Variants in TRABD2B observed in about 807,000 individuals in gnomAD.
The protein encoded by TRABD2B is TraB domain containing 2B, also known as metalloprotease TIKI2.
TRABD2B carries 14 observed loss-of-function variants against 40.1 expected under a neutral mutation model. The ratio of observed to expected loss-of-function variants is 0.35; its 90% CI spans 0.23 to 0.55. TRABD2B has a LOEUF of 0.55. Among genes scored for constraint, TRABD2B ranks in the 20% least tolerant of loss-of-function variants. The probability of loss-of-function intolerance (pLI) is 0.90; values close to 1 mark genes in which losing one functional copy is unlikely to be tolerated. For synonymous variants in TRABD2B, 263 were observed against 277.0 expected, an observed-to-expected ratio of 0.95 and a Z score of 0.50; for missense variants, 541 against 648.6, an observed-to-expected ratio of 0.83 and a Z score of 1.80.
intron 2 of TRABD2B, chr1:47,820,190 C>T (rs1357164899): frequency 6.6e-6 from 1 of 152,186 alleles, no homozygotes; most frequent in African/African-American, 2.4e-5. Context: ...AGTCTATCTC[C>T]AGCCCCAGCA....
intron 2 of TRABD2B, among the ~76,000 whole-genome samples, chr1:47,977,136 G>A (rs888093859): frequency 6.6e-6 from 1 of 150,534 alleles, no homozygotes; most frequent in Non-Finnish European, 1.5e-5. Context: ...GCAGTGGTGC[G>A]ATCTTGGCTC....
chr1:47,843,955 C>G (rs1001102786), intron 2 of TRABD2B, among the ~76,000 whole-genome samples: 12 of 152,180 alleles, frequency 7.9e-5, no homozygotes, highest in African/African-American at 2.9e-4. Context: ...GATGGGCACC[C>G]AGCCCCAGGC....
At chr1:47,967,997 C>T (rs1192854681) in intron 2 of TRABD2B, among the ~76,000 whole-genome samples, 2 of 152,160 alleles carry the variant, frequency 1.3e-5, no homozygotes, top group Non-Finnish European at 1.5e-5. Flanking sequence ...TTACAGTGTA[C>T]AGCATGGTTT....
At chr1:47,936,111 T>C (rs1265995416) in intron 2 of TRABD2B, among the ~76,000 whole-genome samples, 1 of 152,180 alleles carries the variant, frequency 6.6e-6, no homozygotes, top group Non-Finnish European at 1.5e-5. Context: ...GTCTCTCCTC[T>C]CTCTCAAATG....
At chr1:47,807,011 G>A (rs1464478462) in intron 2 of TRABD2B, among the ~76,000 whole-genome samples, 2 of 152,228 alleles carry the variant, frequency 1.3e-5, no homozygotes, top group Non-Finnish European at 2.9e-5. Context: ...CATTGTTCTA[G>A]GTGCTGGGGA....
In TRABD2B at chr1:47,763,085, T is replaced by A. The variant is rs1305734425; in HGVS notation, c.*2817A>T. The stretch of plus-strand genomic sequence containing the variant: ...ACAAAGAACGTTTCTGGAAGAAATG[T>A]CAGTTAGTGGTGGATAGATCGTGTC... On this transcript the variant is annotated 3_prime_UTR_variant, in exon 7 of 7. Coordinates refer to ENST00000606738, the MANE Select transcript of TRABD2B (RefSeq NM_001194986.2). 1 of 152,186 alleles carries A rather than the reference T, an allele frequency of 6.6e-6. No individual in the cohort carries two copies. Among genetic ancestry groups the A allele is most frequent in the Non-Finnish European group, 1.5e-5 (1 of 68,038 alleles). The allele number at this position is 152,186 out of a possible 1,614,324, so 9.4% of individuals were successfully genotyped here. A position where few individuals can be genotyped will look rare whatever the true frequency, so the allele number is the denominator to read the frequency against.
chr1:47,808,327 C>CTA (rs1018707183), intron 2 of TRABD2B, among the ~76,000 whole-genome samples: 50 of 151,864 alleles, frequency 3.3e-4, no homozygotes, highest in African/African-American at 1.1e-3. Context: ...ATGTATATAC[C>CTA]TATATATATA....
At position 47,965,202 on chromosome 1, in the gene TRABD2B, G is replaced by GGGGGGGTGGGGGT. The variant is rs1317424303; in HGVS notation, c.666+28831_666+28832insACCCCCACCCCCC. Among the ~76,000 whole-genome samples the GGGGGGGTGGGGGT allele has an allele frequency of 3.4e-3, 276 of 81,564 alleles. 6 individuals carry two copies. Among genetic ancestry groups the GGGGGGGTGGGGGT allele is most frequent in the African/African-American group, 0.014 (253 of 17,868 alleles). 53.5% of individuals were successfully genotyped at this position (81,564 alleles called of 152,430 possible). A position where few individuals can be genotyped will look rare whatever the true frequency, so the allele number is the denominator to read the frequency against. ...TATCCCATCAGATTTGGCGGGGGGCGGGGGGGGGTGGAGGGGGGGGTGGGG... is the reference window on the plus strand; with the variant it reads ...TATCCCATCAGATTTGGCGGGGGGCGGGGGGGTGGGGGTGGGGGGGGTGGAGGGGGGGGTGGGG... On this transcript the variant is annotated intron_variant, in intron 2 of 6. Transcript: ENST00000606738.
At chr1:47,827,730 T>A (rs931608975) in intron 2 of TRABD2B, among the ~76,000 whole-genome samples, 1 of 151,850 alleles carries the variant, frequency 6.6e-6, no homozygotes, top group East Asian at 1.9e-4. Context: ...TACCCCCCTT[T>A]TTAAACAGGA....
Position 47,835,326 on chromosome 1 carries a change from T to A in TRABD2B, c.667-33707A>T, listed in dbSNP as rs78491022. 6.6e-3 allele frequency among the ~76,000 whole-genome samples: 984 copies of A among 149,680 alleles called. 14 individuals carry two copies. The highest frequency in any genetic ancestry group is 0.022 in the African/African-American group (911 of 40,730). ...TGTACCAACATATGCATACTGGGAG[T>A]TCAAGAAGGAAAGGAAAGAAAGAAG... On this transcript the variant is annotated intron_variant, in intron 2 of 6. Transcript: ENST00000606738.
At chr1:47,935,178 T>C (rs1645090863) in intron 2 of TRABD2B, among the ~76,000 whole-genome samples, 1 of 152,208 alleles carries the variant, frequency 6.6e-6, no homozygotes, top group Non-Finnish European at 1.5e-5. Flanking sequence ...GAGGGCTTCC[T>C]CTTTGCCAGG....
At chr1:47,818,220 G>C (rs1318712705) in intron 2 of TRABD2B, 1 of 152,530 alleles carries the variant, frequency 6.6e-6, no homozygotes, top group African/African-American at 2.4e-5. Context: ...CTCTGGGTGA[G>C]GCTTGGCAAA....
intron 4 of TRABD2B, among the ~76,000 whole-genome samples, chr1:47,792,925 ATGCAC>A (rs1219882372): frequency 2.0e-5 from 3 of 152,038 alleles, no homozygotes; most frequent in Admixed American, 6.6e-5. Flanking sequence ...CCAGAGCAGG[ATGCAC>A]TGCCCTGATG....
At chr1:47,933,927 T>C (rs990369336) in intron 2 of TRABD2B, among the ~76,000 whole-genome samples, 1 of 152,250 alleles carries the variant, frequency 6.6e-6, no homozygotes, top group African/African-American at 2.4e-5. Flanking sequence ...TGAAATGTGC[T>C]GGTGCAACTG....
chr1:47,899,280 G>C (rs962211447), intron 2 of TRABD2B, among the ~76,000 whole-genome samples: 2 of 152,230 alleles, frequency 1.3e-5, no homozygotes, highest in African/African-American at 4.8e-5. Flanking sequence ...ACCTCCTACA[G>C]ACATGGAGAA....
Position 47,996,842 on chromosome 1 carries a change from G to C in TRABD2B, c.-53C>G. 8.6e-7 allele frequency: 1 copy of C among 1,162,840 alleles called. No individual in the cohort carries two copies. The highest frequency in any genetic ancestry group is 1.1e-6 in the Non-Finnish European group (1 of 943,870). The allele number at this position is 1,162,840 out of a possible 1,614,324, so 72.0% of individuals were successfully genotyped here. ...ACCCTCCTGGGCGGCGCCCCTCAGC[G>C]GGGCGGGGAGCCCCCAGTTGGGCAC... On this transcript the variant is annotated 5_prime_UTR_variant, in exon 1 of 7. Transcript: ENST00000606738. This position sits in a 1 kb window ranked among gnomAD's most constrained non-coding sequence, Gnocchi z 4.6.
At chr1:47,878,754 G>C (rs1644259409) in intron 2 of TRABD2B, among the ~76,000 whole-genome samples, 1 of 152,144 alleles carries the variant, frequency 6.6e-6, no homozygotes, top group African/African-American at 2.4e-5. Flanking sequence ...GGTAAGTTCA[G>C]AGTTTTTATT....
At chr1:47,935,342 G>T (rs1401325587) in intron 2 of TRABD2B, among the ~76,000 whole-genome samples, 1 of 152,186 alleles carries the variant, frequency 6.6e-6, no homozygotes, top group Admixed American at 6.5e-5. Context: ...CTTAAATTCA[G>T]AAGATTCCAA....
At chr1:47,814,292 TTACTC>T (rs1465894024) in intron 2 of TRABD2B, among the ~76,000 whole-genome samples, 6 of 152,244 alleles carry the variant, frequency 3.9e-5, no homozygotes, top group East Asian at 1.9e-4. Context: ...AGCTCAGACT[TTACTC>T]TACGGACAAT....
Sources: allele counts gnomAD v4.1 joint callset (sites outside exome capture counted in the v4.1 genomes callset), GRCh38; gene constraint gnomAD v4.1.1; non-coding constraint Gnocchi (gnomAD v3.1); transcripts MANE v1.5; gene names NCBI Gene and HGNC (gene_info 2026-07-23, HGNC 2026-07-21).